Variants in CPZ observed in about 807,000 individuals in gnomAD.
CPZ encodes the protein carboxypeptidase Z.
Under a neutral mutation model 61.8 loss-of-function variants are expected in CPZ, and 103 were observed. The observed-to-expected ratio is 1.67, with a 90% CI of 1.42 to 1.96. CPZ has a LOEUF of 1.96. Among genes scored for constraint, CPZ ranks in the 30% most tolerant of loss-of-function variants. CPZ has a pLI of 0.00. For synonymous variants in CPZ, 551 were observed against 373.7 expected (o/e 1.47, Z -5.47); for missense variants, 1,461 against 914.9 (o/e 1.60, Z -7.70).
intron 9 of CPZ, among the ~76,000 whole-genome samples, chr4:8,617,183 C>G (rs557641041): frequency 1.3e-5 from 2 of 152,196 alleles, no homozygotes; most frequent in African/African-American, 4.8e-5. Flanking sequence ...GGGGGTCAGC[C>G]GCGGTGGGAT....
rs1302242757 is a variant in CPZ, at chr4:8,609,140, T to TCACTCACTTCTCATTAACTCAGC, written c.1227+1717_1227+1718insCTCACTTCTCATTAACTCAGCCA. ...CTCCCTCACTCATTCACTCATTTAC[T>TCACTCACTTCTCATTAACTCAGC]CATTCACCCACTCCCTCACTCATTC... On this transcript the variant is annotated intron_variant, in intron 7 of 10. Transcript: ENST00000360986. 8.2e-3 allele frequency among the ~76,000 whole-genome samples: 386 copies of TCACTCACTTCTCATTAACTCAGC among 47,310 alleles called. 3 individuals carry two copies. The highest frequency in any genetic ancestry group is 0.022 in the African/African-American group (305 of 13,824). 31.0% of individuals were successfully genotyped at this position (47,310 alleles called of 152,430 possible).
At chr4:8,611,276 C>G (rs998750840) in intron 7 of CPZ, 8 of 456,120 alleles carry the variant, frequency 1.8e-5, no homozygotes, top group African/African-American at 4.0e-5. Context: ...CAAGGTCAGT[C>G]TGGGACTTAC....
chr4:8,608,345 G>A (rs941881729), intron 7 of CPZ, among the ~76,000 whole-genome samples: 1 of 152,194 alleles, frequency 6.6e-6, no homozygotes, highest in African/African-American at 2.4e-5. Context: ...GGAAGGAGCA[G>A]GGAGAGAGGG....
chr4:8,609,180 T>A (rs1560298088), intron 7 of CPZ, among the ~76,000 whole-genome samples: 3 of 101,764 alleles, frequency 2.9e-5, no homozygotes, highest in African/African-American at 9.4e-5. Context: ...ACCCATTCAC[T>A]CAGGCATTCA....
intron 7 of CPZ, among the ~76,000 whole-genome samples, chr4:8,608,466 G>A (rs950501825): frequency 6.6e-6 from 1 of 152,184 alleles, no homozygotes; most frequent in Non-Finnish European, 1.5e-5. Flanking sequence ...TGGGCCCCTG[G>A]TTGGCACTCA....
At chr4:8,610,726 C>G (rs1236254480) in intron 7 of CPZ, among the ~76,000 whole-genome samples, 1 of 152,182 alleles carries the variant, frequency 6.6e-6, no homozygotes, top group Non-Finnish European at 1.5e-5. Flanking sequence ...CTGATGCTGC[C>G]CCACCCACAG....
intron 1 of CPZ, among the ~76,000 whole-genome samples, chr4:8,595,885 C>T (rs1714139015): frequency 6.6e-6 from 1 of 152,218 alleles, no homozygotes; most frequent in Admixed American, 6.5e-5. Flanking sequence ...AAAGTTCACA[C>T]ATGACAACAG....
At chr4:8,615,157 G>T (rs976346729) in intron 9 of CPZ, among the ~76,000 whole-genome samples, 1 of 152,180 alleles carries the variant, frequency 6.6e-6, no homozygotes, top group South Asian at 2.1e-4. Flanking sequence ...TGACTGAGGG[G>T]TGACTACTAT....
intron 7 of CPZ, among the ~76,000 whole-genome samples, chr4:8,608,121 G>A (rs62288581): frequency 0.4 from 58,027 of 146,346 alleles, 12,019 homozygotes; most frequent in Admixed American, 0.55. Context: ...TGTGATCTGA[G>A]GTGGGCCCCA....
chr4:8,609,250 C>T (rs868064720), intron 7 of CPZ, among the ~76,000 whole-genome samples: 3 of 71,718 alleles, frequency 4.2e-5, no homozygotes, highest in South Asian at 3.8e-4. Flanking sequence ...ATTCACTCAT[C>T]ACTCACTCAT....
chr4:8,609,056 C>CTCACTCATACACTCACCCAT (rs1560297686), intron 7 of CPZ, among the ~76,000 whole-genome samples: 4 of 84,652 alleles, frequency 4.7e-5, no homozygotes, highest in Non-Finnish European at 7.1e-5. Flanking sequence ...CCCTCCCTCC[C>CTCACTCATACACTCACCCAT]TCACTCCCTC....
At chr4:8,594,290 T>G (rs1415529220) in intron 1 of CPZ, among the ~76,000 whole-genome samples, 1 of 152,172 alleles carries the variant, frequency 6.6e-6, no homozygotes, top group Non-Finnish European at 1.5e-5. Flanking sequence ...TCACCTGCAG[T>G]GCAGGTCCCC....
chr4:8,609,226 A>C (rs1028377806), intron 7 of CPZ, among the ~76,000 whole-genome samples: 5 of 23,062 alleles, frequency 2.2e-4, no homozygotes, highest in African/African-American at 8.1e-4. Context: ...TCACTTACTC[A>C]CTCATTGTCA....
At chr4:8,607,757 T>C (rs942107160) in intron 7 of CPZ, among the ~76,000 whole-genome samples, 1 of 152,120 alleles carries the variant, frequency 6.6e-6, no homozygotes, top group African/African-American at 2.4e-5. Context: ...GGGTCCCCAG[T>C]GCTTCCCACC....
intron 9 of CPZ, among the ~76,000 whole-genome samples, 171 bp downstream of exon 9, chr4:8,614,669 A>G (rs143012780): frequency 8.5e-5 from 13 of 152,340 alleles, no homozygotes; most frequent in African/African-American, 2.6e-4. Flanking sequence ...GAGATACAGT[A>G]GCCGGCTCTC....
Position 8,619,465 on chromosome 4 carries a change from C to G in CPZ, c.1807C>G (p.Pro603Ala). 1 of 1,611,406 alleles carries G rather than the reference C, an allele frequency of 6.2e-7. No homozygotes were observed. The highest frequency in any genetic ancestry group is 2.2e-5 in the East Asian group (1 of 44,772). The change falls in exon 11 of 11, where the codon CCA becomes GCA. Residue 603 changes from proline to alanine, a missense_variant. Coordinates refer to ENST00000360986, the MANE Select transcript of CPZ (RefSeq NM_001014447.3). ...GCTGCGGAGGACTGGGCCCCACGAC[C>G]CACTGGGAGGTGCCAGCTCTTTGGG... Reference protein sequence around the residue: ...HGLRRTGPHDPLGGASSLGEA... With the variant: ...HGLRRTGPHDALGGASSLGEA...
At chr4:8,607,964 C>T (rs1006313604) in intron 7 of CPZ, among the ~76,000 whole-genome samples, 1 of 152,212 alleles carries the variant, frequency 6.6e-6, no homozygotes, top group Non-Finnish European at 1.5e-5. Context: ...GTTTCTCCTA[C>T]TGTTCGTAGA....
intron 1 of CPZ, among the ~76,000 whole-genome samples, chr4:8,597,815 C>T (rs747967456): frequency 7.2e-5 from 11 of 152,348 alleles, no homozygotes; most frequent in South Asian, 2.1e-4. Context: ...GACCATAGGT[C>T]GTCTCATCTC....
chr4:8,612,191 GGGGGGT>G, intron 8 of CPZ, 29 bp downstream of exon 8: 2 of 454,470 alleles, frequency 4.4e-6, no homozygotes, highest in Non-Finnish European at 6.6e-6. Context: ...GGGACTGGGC[GGGGGGT>G]GGGGGGTGCA....
Sources: allele counts gnomAD v4.1 joint callset (sites outside exome capture counted in the v4.1 genomes callset), GRCh38; gene constraint gnomAD v4.1.1; transcripts MANE v1.5; gene names NCBI Gene and HGNC (gene_info 2026-07-23, HGNC 2026-07-21).